Variants in PTPRT observed in about 807,000 individuals in gnomAD.
The protein encoded by PTPRT is protein tyrosine phosphatase receptor type T.
Under a neutral mutation model 176.8 loss-of-function variants are expected in PTPRT, and 56 were observed. The observed-to-expected ratio is 0.32, with a 90% confidence interval of 0.26 to 0.40. The LOEUF is 0.40. Among genes scored for constraint, PTPRT ranks in the 10% least tolerant of loss-of-function variants. PTPRT has a pLI of 1.00. For missense variants in PTPRT, 1,540 were observed against 1,908.2 expected, an observed-to-expected ratio of 0.81 and a Z score of 3.60; for synonymous variants, 783 against 739.0, an observed-to-expected ratio of 1.06 and a Z score of -0.96.
chr20:43,034,134 CTG>C (rs1027559312), intron 1 of PTPRT, among the ~76,000 whole-genome samples: 35 of 152,350 alleles, frequency 2.3e-4, no homozygotes, highest in African/African-American at 7.9e-4. Flanking sequence ...TAGAAGAAAT[CTG>C]TCTTTCCTGA....
intron 1 of PTPRT, among the ~76,000 whole-genome samples, chr20:43,109,012 T>C (rs2012743649): frequency 6.6e-6 from 1 of 152,166 alleles, no homozygotes. Context: ...CCCATAATAA[T>C]TGGATGGCTG....
At chr20:43,078,846 C>T (rs1742477181) in intron 1 of PTPRT, among the ~76,000 whole-genome samples, 1 of 152,176 alleles carries the variant, frequency 6.6e-6, no homozygotes, top group Admixed American at 6.5e-5. Flanking sequence ...AGCCAACAAT[C>T]AGGAAATAAA....
chr20:42,647,628 G>A (rs1171452406), intron 7 of PTPRT, among the ~76,000 whole-genome samples: 1 of 152,144 alleles, frequency 6.6e-6, no homozygotes, highest in Non-Finnish European at 1.5e-5. Flanking sequence ...TCAGCCCTAT[G>A]ACCTCACCTC....
chr20:42,310,504 T>C (rs2057611070), intron 12 of PTPRT, among the ~76,000 whole-genome samples: 1 of 152,124 alleles, frequency 6.6e-6, no homozygotes, highest in South Asian at 2.1e-4. Flanking sequence ...TAGCTCTATA[T>C]GGGAAAAAAG....
chr20:43,009,481 T>C (rs982896530), intron 1 of PTPRT, among the ~76,000 whole-genome samples: 6 of 151,314 alleles, frequency 4.0e-5, no homozygotes, highest in African/African-American at 1.5e-4. Context: ...AAAAAGGAGG[T>C]TCCAGGAAAG....
At chr20:42,989,716 T>C (rs996363995) in intron 1 of PTPRT, among the ~76,000 whole-genome samples, 2 of 152,140 alleles carry the variant, frequency 1.3e-5, no homozygotes, top group African/African-American at 4.8e-5. Context: ...AGCAGAAGAG[T>C]CTACAGACTG....
At chr20:43,143,366 A>G (rs373336370) in intron 1 of PTPRT, among the ~76,000 whole-genome samples, 2 of 152,336 alleles carry the variant, frequency 1.3e-5, no homozygotes, top group Admixed American at 6.5e-5. Context: ...AACTGCCTAA[A>G]GGGCTCACAG....
intron 9 of PTPRT, among the ~76,000 whole-genome samples, chr20:42,425,288 G>T (rs527951880): frequency 6.6e-6 from 1 of 152,286 alleles, no homozygotes; most frequent in South Asian, 2.1e-4. Context: ...GTTACATGAG[G>T]GGGGTGCATA....
At chr20:43,110,428 G>A (rs1380517406) in intron 1 of PTPRT, among the ~76,000 whole-genome samples, 2 of 152,146 alleles carry the variant, frequency 1.3e-5, no homozygotes, top group African/African-American at 4.8e-5. Context: ...ATAGGAGAGG[G>A]TTTTAAGGAG....
At chr20:42,467,914 C>T (rs1327001439) in intron 8 of PTPRT, among the ~76,000 whole-genome samples, 1 of 152,182 alleles carries the variant, frequency 6.6e-6, no homozygotes, top group African/African-American at 2.4e-5. Context: ...GTGCCTAGCA[C>T]AGTGTAGGTG....
rs1242896576 is a variant in PTPRT at position 43,078,533 on chromosome 20, G to C, written c.88+111113C>G. Among the ~76,000 whole-genome samples the C allele has an allele frequency of 2.0e-5, 3 of 152,080 alleles. No individual in the cohort carries two copies. The East Asian group carries it at 5.8e-4, about 29-fold the overall frequency. Reference sequence around the variant, plus strand: ...TTACTAGGCACATAAATTTTGGTTTGATAGCTCCTGTTTCACGCACACTCA... The same window carrying C: ...TTACTAGGCACATAAATTTTGGTTTCATAGCTCCTGTTTCACGCACACTCA... On this transcript the variant is annotated intron_variant, in intron 1 of 30. Transcript: ENST00000373187.
intron 1 of PTPRT, among the ~76,000 whole-genome samples, chr20:42,991,720 G>T (rs1485148604): frequency 6.6e-6 from 1 of 152,126 alleles, no homozygotes; most frequent in Non-Finnish European, 1.5e-5. Context: ...TAAGTTTTAT[G>T]TTATGTCTAT....
chr20:42,502,991 A>C (rs372185370), intron 7 of PTPRT, among the ~76,000 whole-genome samples: 1 of 152,046 alleles, frequency 6.6e-6, no homozygotes, highest in African/African-American at 2.4e-5. Flanking sequence ...GTTATTACCA[A>C]TCTGTAAGTT....
intron 13 of PTPRT, among the ~76,000 whole-genome samples, chr20:42,274,575 G>A (rs866397325): frequency 1.4e-5 from 2 of 140,604 alleles, no homozygotes; most frequent in Non-Finnish European, 3.2e-5. Context: ...GTGTGTGTGT[G>A]TGTGTGTGTG....
At chr20:42,547,851 A>G (rs992084078) in intron 7 of PTPRT, among the ~76,000 whole-genome samples, 1 of 152,066 alleles carries the variant, frequency 6.6e-6, no homozygotes, top group Non-Finnish European at 1.5e-5. Flanking sequence ...TCAACAAACT[A>G]TTAGAATCAA....
chr20:42,307,056 T>A (rs937780772), intron 12 of PTPRT, among the ~76,000 whole-genome samples: 1 of 152,216 alleles, frequency 6.6e-6, no homozygotes, highest in Non-Finnish European at 1.5e-5. Flanking sequence ...AGTCTGGGTA[T>A]TATAAGAATA....
At chr20:42,199,205 C>T (rs369607056) in intron 16 of PTPRT, 35 bp downstream of exon 16, 33 of 1,608,546 alleles carry the variant, frequency 2.1e-5, no homozygotes, top group African/African-American at 2.7e-5. Flanking sequence ...AGCTGGACCA[C>T]GGATGTCCCC....
At chr20:42,297,689 A>G (rs1484927552) in intron 12 of PTPRT, among the ~76,000 whole-genome samples, 1 of 152,208 alleles carries the variant, frequency 6.6e-6, no homozygotes, top group Non-Finnish European at 1.5e-5. Context: ...CTGGTGGGAT[A>G]GAATACGACA....
chr20:42,645,985 A>C (rs990144835), intron 7 of PTPRT, among the ~76,000 whole-genome samples: 7 of 151,860 alleles, frequency 4.6e-5, no homozygotes, highest in African/African-American at 1.5e-4. Flanking sequence ...AGCACCTACC[A>C]CTCTTCCTGG....
Sources: allele counts gnomAD v4.1 joint callset (sites outside exome capture counted in the v4.1 genomes callset), GRCh38; gene constraint gnomAD v4.1.1; transcripts MANE v1.5; gene names NCBI Gene and HGNC (gene_info 2026-07-23, HGNC 2026-07-21).